UGGT1: variants seen among roughly 807,000 people sequenced by gnomAD.
UGGT1 encodes UDP-glucose glycoprotein glucosyltransferase 1, also known as UDP-glucose:glycoprotein glucosyltransferase 1.
In UGGT1, 107 loss-of-function variants were observed where a neutral mutation model predicts 203.9. The ratio of observed to expected loss-of-function variants is 0.52; its 90% confidence interval spans 0.45 to 0.62. The LOEUF (loss-of-function observed/expected upper bound fraction) is 0.62. Ranked by LOEUF, UGGT1 falls within the 20% of genes least tolerant of loss-of-function variation. UGGT1 has a pLI of 0.00. For synonymous variants in UGGT1, 628 were observed against 653.5 expected (o/e 0.96, Z 0.59); for missense variants, 1,673 against 1,867.2 (o/e 0.90, Z 1.92).
intron 36 of UGGT1, among the ~76,000 whole-genome samples, chr2:128,181,878 G>A (rs1691707221): frequency 6.6e-6 from 1 of 152,178 alleles, no homozygotes; most frequent in Non-Finnish European, 1.5e-5. Flanking sequence ...AGAAACTGAG[G>A]CACAGAAAGG....
chr2:128,126,535 C>G (rs967191467), intron 11 of UGGT1, among the ~76,000 whole-genome samples: 2 of 152,072 alleles, frequency 1.3e-5, no homozygotes, highest in Admixed American at 1.3e-4. Flanking sequence ...AGCCACTGTG[C>G]CCTGCCCAAA....
chr2:128,107,908 A>G, intron 3 of UGGT1, 30 bp from the exon 4 acceptor site: 7 of 1,613,686 alleles, frequency 4.3e-6, no homozygotes, highest in Non-Finnish European at 5.9e-6. Context: ...GTCATACGCA[A>G]TTACTTTGGT....
chr2:128,101,928 T>G (rs895055220), intron 2 of UGGT1, among the ~76,000 whole-genome samples: 1 of 152,162 alleles, frequency 6.6e-6, no homozygotes, highest in Non-Finnish European at 1.5e-5. Context: ...GTTTGTAGTT[T>G]TTTTTGTGTT....
chr2:128,115,200 A>C lies in UGGT1; in HGVS notation c.773A>C (p.Lys258Thr). The change falls in exon 7 of 41, where the codon AAG becomes ACG. Residue 258 changes from lysine to threonine, a missense_variant. Lys to Thr is a moderately conservative substitution (Grantham distance 78). Coordinates refer to ENST00000259253, the MANE Select transcript of UGGT1 (RefSeq NM_020120.4). The stretch of plus-strand genomic sequence containing the variant: ...ATTAAGAGCACTGAGTACAAGGCCA[A>C]GGATGATACTCAGGTGAAAGGTGAA... ...LAIKSTEYKA[K>T]DDTQVKGTEV... 1.9e-6 allele frequency: 3 copies of C among 1,613,948 alleles called. No homozygotes were observed. Among genetic ancestry groups the C allele is most frequent in the Non-Finnish European group, 8.5e-7 (1 of 1,179,880 alleles).
chr2:128,117,952 A>T (rs1688196106), intron 8 of UGGT1, among the ~76,000 whole-genome samples: 1 of 146,726 alleles, frequency 6.8e-6, no homozygotes, highest in African/African-American at 2.5e-5. Flanking sequence ...AGTTTTTATT[A>T]GGACATTTTG....
In UGGT1 at chr2:128,189,947, A is replaced by C; in HGVS notation, c.*205A>C. On this transcript the variant is annotated 3_prime_UTR_variant, in exon 41 of 41. Transcript: ENST00000259253. ...TAAAGCTCTGTTGGATTTGTACCTC[A>C]GAGGAAGACCAAGTGGCTGATCCTT... The C allele has an allele frequency of 1.9e-6, 1 of 537,376 alleles. No individual in the cohort carries two copies. The highest frequency in any genetic ancestry group is 1.9e-5 in the African/African-American group (1 of 53,228). The allele number at this position is 537,376 out of a possible 1,614,324, so 33.3% of individuals were successfully genotyped here. A position where few individuals can be genotyped will look rare whatever the true frequency, so the allele number is the denominator to read the frequency against.
intron 16 of UGGT1, 31 bp from the exon 17 acceptor site, chr2:128,143,063 G>T: frequency 6.4e-7 from 1 of 1,557,406 alleles, no homozygotes. Flanking sequence ...ACTTAAAAGT[G>T]TAGTTAACCA....
Position 128,187,583 on chromosome 2 carries a change from C to CAAA in UGGT1, c.4612_4614dup (p.Lys1538dup), listed in dbSNP as rs749630294. 1 of 1,613,516 alleles carries CAAA rather than the reference C, an allele frequency of 6.2e-7. No homozygotes were observed. The highest frequency in any genetic ancestry group is 2.2e-5 in the East Asian group (1 of 44,870). Reference sequence around the variant, plus strand: ...AGGAGAAAGAAACGGGAGCACTGTACAAAGAGAAGACAAAAGAACCAAGCC... The same window carrying CAAA: ...AGGAGAAAGAAACGGGAGCACTGTACAAAAAAGAGAAGACAAAAGAACCAAGCC... On this transcript the variant is annotated inframe_insertion, in exon 40 of 41. Coordinates refer to ENST00000259253, the MANE Select transcript of UGGT1 (RefSeq NM_020120.4).
chr2:128,120,868 A>C (rs1415276285), intron 9 of UGGT1, among the ~76,000 whole-genome samples: 1 of 152,212 alleles, frequency 6.6e-6, no homozygotes, highest in East Asian at 1.9e-4. Flanking sequence ...CATTTACTAA[A>C]AGTCTTCATG....
rs1692205284 is a variant in UGGT1 at position 128,190,460 on chromosome 2, T to C, written c.*718T>C. The C allele has an allele frequency of 6.6e-6, 1 of 152,134 alleles. No individual in the cohort carries two copies. Among genetic ancestry groups the C allele is most frequent in the Non-Finnish European group, 1.5e-5 (1 of 68,034 alleles). The allele number at this position is 152,134 out of a possible 1,614,324, so 9.4% of individuals were successfully genotyped here. On this transcript the variant is annotated 3_prime_UTR_variant, in exon 41 of 41. Transcript: ENST00000259253. The stretch of plus-strand genomic sequence containing the variant: ...CAGAACTGGCCATCCTCTTTTATAA[T>C]CCATTAGTAGCACCATGGCTCATTT...
rs551270083 is a variant in UGGT1 at position 128,161,127 on chromosome 2, C to T, written c.2695-11C>T. 2 of 1,613,586 alleles carry T rather than the reference C, an allele frequency of 1.2e-6. No individual in the cohort carries two copies. The highest frequency in any genetic ancestry group is 2.2e-5 in the South Asian group (2 of 90,962). On this transcript the variant is annotated splice_polypyrimidine_tract_variant and intron_variant, in intron 24 of 40. Transcript: ENST00000259253. ...TCCAGAGCTAAGCGCCTGCTCTTCT[C>T]TCCTTCACAGATCATTGGGCCACTG...
chr2:128,140,540 C>A (rs1165635048), intron 16 of UGGT1: 5 of 152,210 alleles, frequency 3.3e-5, no homozygotes, highest in African/African-American at 1.2e-4. Context: ...TCTCATGGAA[C>A]CAGCCCTCCT....
intron 15 of UGGT1, among the ~76,000 whole-genome samples, chr2:128,137,232 A>G (rs568299571): frequency 6.6e-5 from 10 of 152,294 alleles, no homozygotes; most frequent in Admixed American, 2.6e-4. Context: ...CATGGGCAAC[A>G]TGAGAAGACC....
At chr2:128,127,740 CT>C (rs2105409946) in intron 12 of UGGT1, among the ~76,000 whole-genome samples, 1 of 152,284 alleles carries the variant, frequency 6.6e-6, no homozygotes, top group East Asian at 1.9e-4. Flanking sequence ...AGAACAGGTT[CT>C]TTGGCTTTTG....
Position 128,091,422 on chromosome 2 carries a change from A to G in UGGT1, c.58+7A>G, listed in dbSNP as rs761356003. The G allele has an allele frequency of 1.1e-5, 17 of 1,579,594 alleles. No individual in the cohort carries two copies. Among genetic ancestry groups the G allele is most frequent in the East Asian group, 7.0e-5 (3 of 43,134 alleles). Reference sequence around the variant, plus strand: ...GGTGCGCTGCCGGTGACAGGTACCCAGGGGTGGCGTGAGGAGGCCTCGTGG... The same window carrying G: ...GGTGCGCTGCCGGTGACAGGTACCCGGGGGTGGCGTGAGGAGGCCTCGTGG... On this transcript the variant is annotated splice_region_variant and intron_variant, in intron 1 of 40. Coordinates refer to ENST00000259253, the MANE Select transcript of UGGT1 (RefSeq NM_020120.4).
At chr2:128,184,618 T>A (rs1691880192) in intron 38 of UGGT1, among the ~76,000 whole-genome samples, 1 of 152,212 alleles carries the variant, frequency 6.6e-6, no homozygotes, top group Non-Finnish European at 1.5e-5. Context: ...TAAACACTAG[T>A]TTAATTTGCT....
At chr2:128,145,679 T>A in intron 17 of UGGT1, 124 bp from the exon 18 acceptor site, 1 of 875,478 alleles carries the variant, frequency 1.1e-6, no homozygotes, top group South Asian at 3.2e-5. Flanking sequence ...TATCTTGAGT[T>A]ATTTTTTCTT....
chr2:128,121,117 T>G (rs1688362426), intron 9 of UGGT1, 82 bp from the exon 10 acceptor site: 3 of 1,271,076 alleles, frequency 2.4e-6, no homozygotes, highest in South Asian at 1.2e-5. Context: ...ATGAAAAGAG[T>G]GGGAAGTAAA....
chr2:128,118,745 C>T (rs761419205), intron 8 of UGGT1, among the ~76,000 whole-genome samples: 6 of 151,856 alleles, frequency 4.0e-5, no homozygotes, highest in Non-Finnish European at 7.4e-5. Flanking sequence ...TTGAGACAGG[C>T]TCAGTCTGTC....
Sources: gnomAD v4.1 joint callset for allele counts (sites outside exome capture counted in the v4.1 genomes callset) on GRCh38, gnomAD v4.1.1 for gene constraint, MANE v1.5 for transcripts, NCBI Gene and HGNC (gene_info 2026-07-23, HGNC 2026-07-21) for gene names.